The following FBXL17 variants were observed in gnomAD, a reference collection of about 807,000 sequenced individuals.
The protein encoded by FBXL17 is F-box/LRR-repeat protein 17.
In FBXL17, 22 loss-of-function variants were observed where a neutral mutation model predicts 66.2. The observed-to-expected ratio is 0.33, with a 90% CI of 0.24 to 0.47. The LOEUF is 0.47. Among genes scored for constraint, FBXL17 ranks in the 20% least tolerant of loss-of-function variants. The pLI, the probability that FBXL17 is intolerant of heterozygous loss-of-function variation, is 1.00. For missense variants in FBXL17, 878 were observed against 948.2 expected (o/e 0.93, Z 0.97); for synonymous variants, 474 against 400.5 (o/e 1.18, Z -2.19).
chr5:107,870,723 C>G (rs1431259820), intron 8 of FBXL17, among the ~76,000 whole-genome samples: 1 of 151,734 alleles, frequency 6.6e-6, no homozygotes, highest in Admixed American at 6.6e-5. Flanking sequence ...GTAGCTGGGA[C>G]TACAGGCGCG....
intron 7 of FBXL17, among the ~76,000 whole-genome samples, chr5:107,913,472 G>A (rs1440543735): frequency 6.6e-6 from 1 of 152,164 alleles, no homozygotes; most frequent in East Asian, 1.9e-4. Context: ...CAGTGGTGAT[G>A]TGGATGACAG....
intron 4 of FBXL17, among the ~76,000 whole-genome samples, chr5:108,263,679 A>T (rs892547219): frequency 6.6e-6 from 1 of 152,184 alleles, no homozygotes; most frequent in Non-Finnish European, 1.5e-5. Flanking sequence ...AAAAAGCATT[A>T]ATGTTCATTA....
At chr5:108,228,240 T>C (rs1056976829) in intron 4 of FBXL17, among the ~76,000 whole-genome samples, 18 of 152,136 alleles carry the variant, frequency 1.2e-4, no homozygotes, top group Non-Finnish European at 7.4e-5. Context: ...AGGAGACTAA[T>C]AAAAGGGCCT....
chr5:108,376,145 T>C (rs1345244201), intron 1 of FBXL17, among the ~76,000 whole-genome samples: 1 of 152,222 alleles, frequency 6.6e-6, no homozygotes, highest in Non-Finnish European at 1.5e-5. Context: ...AGAAAGAGCA[T>C]CTACCAATAA....
At chr5:108,299,025 G>A (rs1275864862) in intron 4 of FBXL17, 1 of 978,120 alleles carries the variant, frequency 1.0e-6, no homozygotes, top group Non-Finnish European at 1.2e-6. Context: ...CTGCCAATAT[G>A]GATACCTCAT....
chr5:108,261,574 T>C (rs1756821153), intron 4 of FBXL17, among the ~76,000 whole-genome samples: 2 of 152,058 alleles, frequency 1.3e-5, no homozygotes, highest in African/African-American at 4.8e-5. Context: ...GAGTACACAA[T>C]AGAAATGCTT....
intron 4 of FBXL17, among the ~76,000 whole-genome samples, chr5:108,247,508 C>G (rs1408256783): frequency 6.6e-6 from 1 of 152,056 alleles, no homozygotes; most frequent in Non-Finnish European, 1.5e-5. Context: ...GATTATTAGG[C>G]TAAGGCTTTC....
chr5:108,121,620 G>T (rs769094590), intron 6 of FBXL17, among the ~76,000 whole-genome samples: 2 of 151,694 alleles, frequency 1.3e-5, no homozygotes, highest in African/African-American at 2.4e-5. Flanking sequence ...GCAGTGGCAC[G>T]GTCTCGGCTC....
At chr5:108,195,241 T>C (rs776850582) in intron 5 of FBXL17, among the ~76,000 whole-genome samples, 11 of 151,874 alleles carry the variant, frequency 7.2e-5, no homozygotes, top group Non-Finnish European at 1.3e-4. Context: ...ACAAGCTGGA[T>C]GGAAAAGAGA....
intron 5 of FBXL17, among the ~76,000 whole-genome samples, chr5:108,202,586 A>T (rs1382988002): frequency 6.6e-6 from 1 of 152,182 alleles, no homozygotes; most frequent in Non-Finnish European, 1.5e-5. Flanking sequence ...AATAATACAG[A>T]ACTCTATCTA....
At chr5:108,100,042 T>C (rs1015809597) in intron 6 of FBXL17, among the ~76,000 whole-genome samples, 2 of 152,166 alleles carry the variant, frequency 1.3e-5, no homozygotes, top group Non-Finnish European at 2.9e-5. Context: ...AATTAAACTA[T>C]CCCAATTATC....
At chr5:107,867,973 T>C (rs1281583908) in intron 8 of FBXL17, among the ~76,000 whole-genome samples, 2 of 152,234 alleles carry the variant, frequency 1.3e-5, no homozygotes, top group Non-Finnish European at 2.9e-5. Context: ...GAAAACAATT[T>C]GTTAATATTT....
Position 108,171,381 on chromosome 5 carries a change from A to G in FBXL17, c.1745+14736T>C, listed in dbSNP as rs894255738. On this transcript the variant is annotated intron_variant, in intron 6 of 8. Transcript: ENST00000542267. ...TTGAGGTCAGACAGATCTACATTCA[A>G]TCCTGGCTCTGCACTTGCTATCTGT... is the stretch of plus-strand genomic sequence containing the variant. Among the ~76,000 whole-genome samples the G allele has an allele frequency of 5.9e-5, 9 of 152,254 alleles. No homozygotes were observed. The East Asian group carries it at 1.5e-3, about 26-fold the overall frequency.
chr5:108,325,567 A>C (rs934236903), intron 4 of FBXL17, among the ~76,000 whole-genome samples: 5 of 152,164 alleles, frequency 3.3e-5, no homozygotes, highest in Admixed American at 6.5e-5. Flanking sequence ...AATAAGAAGA[A>C]AGGGAAAAAG....
At chr5:107,862,489 T>C (rs966025728) in intron 8 of FBXL17, among the ~76,000 whole-genome samples, 2 of 152,200 alleles carry the variant, frequency 1.3e-5, no homozygotes, top group Non-Finnish European at 2.9e-5. Flanking sequence ...CAGACAGGCC[T>C]AATTAAAACT....
intron 4 of FBXL17, among the ~76,000 whole-genome samples, chr5:108,320,433 T>C (rs918701852): frequency 6.6e-6 from 1 of 151,662 alleles, no homozygotes; most frequent in Non-Finnish European, 1.5e-5. Flanking sequence ...TACATACAGC[T>C]CTTGGAAAGC....
At position 108,304,353 on chromosome 5, in the gene FBXL17, C is replaced by A. The variant is rs544966229; in HGVS notation, c.1506+44046G>T. On this transcript the variant is annotated intron_variant, in intron 4 of 8. Coordinates refer to ENST00000542267, the MANE Select transcript of FBXL17 (RefSeq NM_001163315.3). Reference sequence around the variant, plus strand: ...TCATTTTAATATTCAGTAATTCAACCCAGAAGGTTTATTCAACATTTATGA... The same window carrying A: ...TCATTTTAATATTCAGTAATTCAACACAGAAGGTTTATTCAACATTTATGA... Among the ~76,000 whole-genome samples, 6 of 151,802 alleles carry A rather than the reference C, an allele frequency of 4.0e-5. No individual in the cohort carries two copies. The South Asian group carries it at 1.3e-3, about 32-fold the overall frequency.
At chr5:108,009,286 T>TAGATAGATAGATAGATAGATAG (rs1172522525) in intron 7 of FBXL17, among the ~76,000 whole-genome samples, 627 of 53,744 alleles carry the variant, frequency 0.012, 123 homozygotes, top group Middle Eastern at 0.036. Context: ...TATATATATA[T>TAGATAGATAGATAGATAGATAG]ATATATATAT....
intron 6 of FBXL17, among the ~76,000 whole-genome samples, chr5:108,069,885 G>C (rs1379367970): frequency 6.6e-6 from 1 of 152,100 alleles, no homozygotes; most frequent in Admixed American, 6.5e-5. Context: ...ACTACTAGCT[G>C]TAATTATTTT....
Sources: gnomAD v4.1 joint callset for allele counts (sites outside exome capture counted in the v4.1 genomes callset) on GRCh38, gnomAD v4.1.1 for gene constraint, MANE v1.5 for transcripts, NCBI Gene and HGNC (gene_info 2026-07-23, HGNC 2026-07-21) for gene names.